Variants in FAM20C observed in about 807,000 individuals in gnomAD.
FAM20C encodes the protein extracellular serine/threonine protein kinase FAM20C.
Under a neutral mutation model 51.5 loss-of-function variants are expected in FAM20C, and 40 were observed. The observed-to-expected ratio is 0.78, with a 90% CI of 0.60 to 1.01. The LOEUF (loss-of-function observed/expected upper bound fraction) is 1.01, where lower values mean the gene tolerates loss of function less well. Among genes scored for constraint, FAM20C ranks in the 50% least tolerant of loss-of-function variants. The pLI is 0.00. For missense variants in FAM20C, 861 were observed against 844.7 expected, an observed-to-expected ratio of 1.02 and a Z score of -0.24; for synonymous variants, 406 against 380.6, an observed-to-expected ratio of 1.07 and a Z score of -0.78.
intron 3 of FAM20C, chr7:228,651 G>T (rs971298368): frequency 4.4e-6 from 2 of 456,146 alleles, no homozygotes; most frequent in African/African-American, 4.0e-5. Context: ...AGAAGCTCAG[G>T]TTTGGACAAC....
intron 5 of FAM20C, among the ~76,000 whole-genome samples, chr7:254,701 C>A (rs1583341980): frequency 6.6e-6 from 1 of 152,318 alleles, no homozygotes; most frequent in East Asian, 1.9e-4. Flanking sequence ...CTGTCTAAAT[C>A]CAGAATGTCC....
At position 260,109 on chromosome 7, in the gene FAM20C, C is replaced by T; in HGVS notation, c.*129C>T. The T allele has an allele frequency of 1.6e-6, 2 of 1,281,308 alleles. No homozygotes were observed. The highest frequency in any genetic ancestry group is 1.8e-5 in the South Asian group (1 of 55,400). 79.4% of individuals were successfully genotyped at this position (1,281,308 alleles called of 1,614,324 possible). A position where few individuals can be genotyped will look rare whatever the true frequency, so the allele number is the denominator to read the frequency against. On this transcript the variant is annotated 3_prime_UTR_variant, in exon 10 of 10. Transcript: ENST00000313766. ...GATCATCCGGAGTCGGGAGCTGCTG[C>T]CACAGGAGGCGAGGCTCCCCAGGTC...
intron 3 of FAM20C, among the ~76,000 whole-genome samples, chr7:220,071 C>G (rs1787184134): frequency 1.3e-5 from 2 of 152,194 alleles, no homozygotes; most frequent in African/African-American, 2.4e-5. Context: ...CTCAGGAGCT[C>G]CTGCTGACTC....
chr7:227,321 A>G (rs1424778846), intron 3 of FAM20C, among the ~76,000 whole-genome samples: 2 of 152,078 alleles, frequency 1.3e-5, no homozygotes, highest in Non-Finnish European at 2.9e-5. Context: ...AATGGAAGCC[A>G]GGGGATTTCA....
At chr7:216,682 A>AGTGTGTGTGT (rs1273994235) in intron 3 of FAM20C, among the ~76,000 whole-genome samples, 1 of 143,600 alleles carries the variant, frequency 7.0e-6, no homozygotes. Context: ...AGTGTGTGTG[A>AGTGTGTGTGT]GAGTGTGTGT....
At chr7:245,947 C>G (rs1788136972) in intron 3 of FAM20C, 1 of 153,786 alleles carries the variant, frequency 6.5e-6, no homozygotes, top group African/African-American at 2.4e-5. Context: ...ACTCGGAAAC[C>G]AGAGGGTGGG....
At chr7:253,398 T>G (rs1196147661) in intron 5 of FAM20C, among the ~76,000 whole-genome samples, 2 of 152,198 alleles carry the variant, frequency 1.3e-5, no homozygotes, top group Non-Finnish European at 2.9e-5. Context: ...CTGTCTGCGC[T>G]CTCCGGGAGG....
At chr7:247,345 G>A (rs1788208905) in intron 4 of FAM20C, among the ~76,000 whole-genome samples, 1 of 152,300 alleles carries the variant, frequency 6.6e-6, no homozygotes, top group East Asian at 1.9e-4. Context: ...TTGCCCTGGT[G>A]CAGTGGAGGG....
chr7:249,239 G>A (rs897037208), intron 5 of FAM20C, among the ~76,000 whole-genome samples: 10 of 152,208 alleles, frequency 6.6e-5, no homozygotes, highest in East Asian at 1.9e-4. Flanking sequence ...CCCCCGCCTC[G>A]GCGAAGTGGC....
intron 3 of FAM20C, among the ~76,000 whole-genome samples, chr7:231,523 T>C (rs573447997): frequency 2.7e-5 from 4 of 150,766 alleles, no homozygotes; most frequent in East Asian, 2.0e-4. Flanking sequence ...AGGAGGGTCC[T>C]GGCGTGGAGG....
intron 3 of FAM20C, among the ~76,000 whole-genome samples, chr7:236,049 G>T (rs1787838072): frequency 6.6e-6 from 1 of 152,168 alleles, no homozygotes; most frequent in Non-Finnish European, 1.5e-5. Flanking sequence ...TTCTGTCAGG[G>T]CGCCCAGGAA....
intron 3 of FAM20C, among the ~76,000 whole-genome samples, chr7:217,494 G>T (rs1787055804): frequency 1.0e-5 from 1 of 99,428 alleles, no homozygotes; most frequent in African/African-American, 3.8e-5. Flanking sequence ...GGGCCATCCT[G>T]GGGGGCGGTG....
chr7:246,356 C>G, intron 3 of FAM20C, 59 bp from the exon 4 acceptor site: 1 of 1,425,312 alleles, frequency 7.0e-7, no homozygotes, highest in Non-Finnish European at 9.6e-7. Context: ...CCGCCTGCCT[C>G]CGGCCCCTGG....
At chr7:248,464 C>T (rs1369423004) in intron 5 of FAM20C, 34 bp downstream of exon 5, 2 of 1,501,808 alleles carry the variant, frequency 1.3e-6, no homozygotes, top group African/African-American at 2.8e-5. Flanking sequence ...TTCATCTCTC[C>T]AGGTAGCCTG....
At position 195,657 on chromosome 7, in the gene FAM20C, G is replaced by C; in HGVS notation, c.709G>C (p.Glu237Gln). ...LKFHIGINRYELYSRHNPAIE... is the reference protein window; with the variant it reads ...LKFHIGINRYQLYSRHNPAIE... ...GTTCCACATTGGTATCAACCGGTAC[G>C]AGCTGTACTCCAGACACAACCCGGC... The change falls in exon 2 of 10, where the codon GAG (glutamate) becomes CAG (glutamine). Residue 237 changes from glutamate (E) to glutamine (Q), a missense_variant. By Grantham distance (29) the Glu-to-Gln change is conservative. This residue lies in a region of FAM20C where 561 missense variants were observed against 499.8 expected (regional missense o/e 1.12). Coordinates refer to ENST00000313766, the MANE Select transcript of FAM20C (RefSeq NM_020223.4). 3 of 1,611,154 alleles carry C rather than the reference G, an allele frequency of 1.9e-6. No homozygotes were observed. Among genetic ancestry groups the C allele is most frequent in the Non-Finnish European group, 2.5e-6 (3 of 1,178,836 alleles).
rs1787764236 is a variant in FAM20C at position 233,582 on chromosome 7, G to A, written c.864-12833G>A. Among the ~76,000 whole-genome samples, 4 of 152,172 alleles carry A rather than the reference G, an allele frequency of 2.6e-5. No homozygotes were observed. The South Asian group carries it at 8.3e-4, about 32-fold the overall frequency. On this transcript the variant is annotated intron_variant, in intron 3 of 9. Transcript: ENST00000313766. ...CCGTGTCCTGGCCCTTCCGGCTCCT[G>A]GAGGCGCCTGCGTTGGCGGCTGGGG...
Position 195,605 on chromosome 7 carries a change from C to G in FAM20C, c.657C>G (p.Ala219=). ...GAEFLSPGEA[A]VDSYPNWLKF... ...AATTCCTCTCCCCCGGGGAGGCGGC[C>G]GTGGACTCCTATCCCAACTGGCTCA... The change falls in exon 2 of 10, where the codon GCC becomes GCG. Residue 219 remains alanine, a synonymous_variant. Coordinates refer to ENST00000313766, the MANE Select transcript of FAM20C (RefSeq NM_020223.4). 6.2e-7 allele frequency: 1 copy of G among 1,603,868 alleles called. No individual in the cohort carries two copies. Among genetic ancestry groups the G allele is most frequent in the Non-Finnish European group, 8.5e-7 (1 of 1,174,808 alleles).
Position 200,572 on chromosome 7 carries a change from G to A in FAM20C, c.784+4840G>A, listed in dbSNP as rs145785562. Among the ~76,000 whole-genome samples the A allele has an allele frequency of 4.8e-4, 73 of 152,352 alleles. No individual in the cohort carries two copies. In the East Asian group the frequency reaches 8.1e-3, roughly 17 times the overall value. ...CCCCCTAGCTGCAGGAGTGTGCCCC[G>A]ATGCGCACCTGCCGACTTTCCTTCT... On this transcript the variant is annotated intron_variant, in intron 2 of 9. Coordinates refer to ENST00000313766, the MANE Select transcript of FAM20C (RefSeq NM_020223.4).
chr7:259,700 G>A (rs780027767), intron 9 of FAM20C, 31 bp from the exon 10 acceptor site: 111 of 1,518,428 alleles, frequency 7.3e-5, no homozygotes, highest in Admixed American at 4.0e-4. Flanking sequence ...CCCCTGTCCC[G>A]TGCCAGGCCT....
Sources: allele counts gnomAD v4.1 joint callset (sites outside exome capture counted in the v4.1 genomes callset), GRCh38; gene constraint gnomAD v4.1.1; regional missense constraint gnomAD v4.1.1; transcripts MANE v1.5; gene names NCBI Gene and HGNC (gene_info 2026-07-23, HGNC 2026-07-21).